The following ULK2 variants were observed in gnomAD, a reference collection of about 807,000 sequenced individuals.
The protein encoded by ULK2 is serine/threonine-protein kinase ULK2.
ULK2 carries 76 observed loss-of-function variants against 127.5 expected under a neutral mutation model. The observed-to-expected ratio is 0.60, with a 90% CI of 0.50 to 0.72. The LOEUF (loss-of-function observed/expected upper bound fraction) is 0.72. Among genes scored for constraint, ULK2 ranks in the 30% least tolerant of loss-of-function variants. The pLI is 0.00. For missense variants in ULK2, 1,144 were observed against 1,295.9 expected (o/e 0.88, Z 1.80); for synonymous variants, 452 against 461.9 (o/e 0.98, Z 0.28).
At chr17:19,786,468 C>T (rs1302058591) in intron 20 of ULK2, among the ~76,000 whole-genome samples, 3 of 152,090 alleles carry the variant, frequency 2.0e-5, no homozygotes. Context: ...AATCCCAGCA[C>T]TTTGGGAGGC....
intron 12 of ULK2, among the ~76,000 whole-genome samples, chr17:19,824,446 CAAAAAAA>C (rs397943235): frequency 3.0e-4 from 3 of 9,884 alleles, no homozygotes; most frequent in East Asian, 2.8e-3. Flanking sequence ...AACTCCATCT[CAAAAAAA>C]AAAAAAAAAA....
chr17:19,826,221 G>T, intron 10 of ULK2, 35 bp from the exon 11 acceptor site: 1 of 1,297,324 alleles, frequency 7.7e-7, no homozygotes, highest in South Asian at 1.8e-5. Context: ...CCTTTAAAGA[G>T]ACATTGACTA....
intron 10 of ULK2, among the ~76,000 whole-genome samples, chr17:19,836,206 C>A (rs1344661133): frequency 1.3e-5 from 2 of 151,062 alleles, no homozygotes; most frequent in East Asian, 3.9e-4. Flanking sequence ...GTCAGGAGTT[C>A]AAGATCAGCC....
chr17:19,850,623 G>A (rs761554012), intron 3 of ULK2, among the ~76,000 whole-genome samples: 7 of 151,846 alleles, frequency 4.6e-5, no homozygotes, highest in Middle Eastern at 3.2e-3. Flanking sequence ...CCAGGAGATC[G>A]AGATCATCCT....
intron 20 of ULK2, among the ~76,000 whole-genome samples, chr17:19,787,584 A>G (rs1427763753): frequency 1.3e-5 from 2 of 152,262 alleles, no homozygotes; most frequent in Non-Finnish European, 2.9e-5. Flanking sequence ...ATAAGTAAGA[A>G]AGTTAATATA....
intron 10 of ULK2, among the ~76,000 whole-genome samples, chr17:19,830,213 T>A (rs78088557): frequency 1.3e-5 from 2 of 151,910 alleles, no homozygotes; most frequent in Admixed American, 6.6e-5. Context: ...TTTTTTTTTT[T>A]AATCAGAGAC....
In ULK2 at chr17:19,838,694, A is replaced by G. The variant is rs925691622; in HGVS notation, c.705-111T>C. ...ACGTGTATGCGGTTTCACAAATACCAATACATTTATACCACGAAGACCATG... is the reference window on the plus strand; with the variant it reads ...ACGTGTATGCGGTTTCACAAATACCGATACATTTATACCACGAAGACCATG... On this transcript the variant is annotated intron_variant, in intron 9 of 26. Coordinates refer to ENST00000395544, the MANE Select transcript of ULK2 (RefSeq NM_014683.4). The G allele has an allele frequency of 4.6e-6, 4 of 866,198 alleles. No homozygotes were observed. In the Admixed American group the frequency reaches 1.0e-4, roughly 22 times the overall value. 53.7% of individuals were successfully genotyped at this position (866,198 alleles called of 1,614,324 possible).
rs533667769 is a variant in ULK2, at chr17:19,829,681, T to C, written c.788-3495A>G. On this transcript the variant is annotated intron_variant, in intron 10 of 26. Transcript: ENST00000395544. ...TGAAATCCTGTCTCTACTAAAAATA[T>C]AAAAATTAGCTGGGCATGGTGGCAG... 3.3e-4 allele frequency among the ~76,000 whole-genome samples: 49 copies of C among 147,000 alleles called. 1 individual carries two copies. Among genetic ancestry groups the C allele is most frequent in the Admixed American group, 1.8e-3 (26 of 14,572 alleles).
At position 19,781,918 on chromosome 17, in the gene ULK2, G is replaced by A; in HGVS notation, c.2610C>T (p.Asp870=). Residue 870 remains aspartate, a synonymous_variant, in exon 23 of 27, where the codon GAC becomes GAT. Transcript: ENST00000395544. ...AGTCTTTGCTCAGCTGACTGATCTG[G>A]TCCACCACCACACTCTCCTGGATCT... The part of the protein sequence containing the change: ...LYQIQESVVV[D]QISQLSKDWG... 1 of 1,614,108 alleles carries A rather than the reference G, an allele frequency of 6.2e-7. No homozygotes were observed.
In ULK2 at chr17:19,846,879, T is replaced by A; in HGVS notation, c.327A>T (p.Arg109Ser). The stretch of plus-strand genomic sequence containing the variant: ...CAGCAGCAATCTGATGCAGAAACAC[T>A]CTGATCGTGTCTTCACTGAGAGTCC... ...AKGTLSEDTIRVFLHQIAAAM... is the reference protein window; with the variant it reads ...AKGTLSEDTISVFLHQIAAAM... Residue 109 changes from arginine to serine, a missense_variant, in exon 6 of 27, where the codon AGA becomes AGT. Physicochemically the swap from Arg to Ser is moderately radical, Grantham distance 110. Around this residue, in one of 2 missense-constraint regions of ULK2, gnomAD observed 231 missense variants for 325.4 expected, o/e 0.71. Transcript: ENST00000395544. 1 of 1,612,746 alleles carries A rather than the reference T, an allele frequency of 6.2e-7. No individual in the cohort carries two copies. Among genetic ancestry groups the A allele is most frequent in the South Asian group, 1.1e-5 (1 of 90,630 alleles).
At chr17:19,859,972 G>C (rs2042207903) in intron 3 of ULK2, among the ~76,000 whole-genome samples, 1 of 152,092 alleles carries the variant, frequency 6.6e-6, no homozygotes, top group Admixed American at 6.6e-5. Flanking sequence ...CACCATGCCT[G>C]GCTCATAATT....
At chr17:19,864,578 A>G (rs2042314609) in intron 3 of ULK2, among the ~76,000 whole-genome samples, 1 of 152,182 alleles carries the variant, frequency 6.6e-6, no homozygotes, top group Non-Finnish European at 1.5e-5. Flanking sequence ...TGCTACACCT[A>G]TAGTGTATTA....
At chr17:19,828,306 C>G (rs205103) in intron 10 of ULK2, among the ~76,000 whole-genome samples, 144,505 of 152,304 alleles carry the variant, frequency 0.95, 68,707 homozygotes, top group Non-Finnish European at 0.97. Context: ...CAGTAAAAAG[C>G]CACATGAAGA....
intron 13 of ULK2, among the ~76,000 whole-genome samples, chr17:19,813,390 C>T (rs926901802): frequency 6.6e-6 from 1 of 151,948 alleles, no homozygotes; most frequent in Non-Finnish European, 1.5e-5. Flanking sequence ...GAAAAACTCA[C>T]TAAAAGGGTA....
chr17:19,791,845 A>C (rs1334278532), intron 20 of ULK2, among the ~76,000 whole-genome samples: 1 of 112,060 alleles, frequency 8.9e-6, no homozygotes, highest in Non-Finnish European at 1.7e-5. Flanking sequence ...CCCTGTTTAC[A>C]AAAAAAAAAA....
intron 25 of ULK2, among the ~76,000 whole-genome samples, chr17:19,777,965 T>C (rs775946443): frequency 1.3e-5 from 2 of 152,242 alleles, no homozygotes; most frequent in East Asian, 3.8e-4. Context: ...ATAAATTTCA[T>C]ACTAGAACCC....
chr17:19,845,532 C>A (rs191796801), intron 6 of ULK2, among the ~76,000 whole-genome samples, 155 bp from the exon 7 acceptor site: 2 of 152,204 alleles, frequency 1.3e-5, no homozygotes, highest in African/African-American at 4.8e-5. Flanking sequence ...AAGTAGCTAC[C>A]TTGATTTCAG....
rs772095479 is a variant in ULK2 at position 19,867,418 on chromosome 17, G to A, written c.-1C>T. 1 of 1,590,752 alleles carries A rather than the reference G, an allele frequency of 6.3e-7. No individual in the cohort carries two copies. Among genetic ancestry groups the A allele is most frequent in the Non-Finnish European group, 8.5e-7 (1 of 1,170,826 alleles). ...ACTCGAAGTCACCCACCACCTCCAT[G>A]GCCGCGCCCCCGGGGCACACAGCGG... On this transcript the variant is annotated 5_prime_UTR_variant, in exon 1 of 27. Transcript: ENST00000395544.
At chr17:19,781,480 T>A (rs1177524158) in intron 23 of ULK2, among the ~76,000 whole-genome samples, 1 of 152,104 alleles carries the variant, frequency 6.6e-6, no homozygotes, top group Non-Finnish European at 1.5e-5. Flanking sequence ...ACCCATGGGC[T>A]CAAGCAATCC....
Sources: allele counts gnomAD v4.1 joint callset (sites outside exome capture counted in the v4.1 genomes callset), GRCh38; gene constraint gnomAD v4.1.1; regional missense constraint gnomAD v4.1.1; transcripts MANE v1.5; gene names NCBI Gene and HGNC (gene_info 2026-07-23, HGNC 2026-07-21).